The following CIDEA variants were observed in gnomAD, a reference collection of about 807,000 sequenced individuals.
CIDEA encodes lipid transferase CIDEA.
In CIDEA, 10 loss-of-function variants were observed where a neutral mutation model predicts 18.2. The ratio of observed to expected loss-of-function variants is 0.55; its 90% CI spans 0.34 to 0.93. The LOEUF (loss-of-function observed/expected upper bound fraction) is 0.93. Ranked by LOEUF, CIDEA falls within the 40% of genes least tolerant of loss-of-function variation. CIDEA has a pLI of 0.02. For missense variants in CIDEA, 309 were observed against 293.1 expected, an observed-to-expected ratio of 1.05 and a Z score of -0.40; for synonymous variants, 128 against 124.8, an observed-to-expected ratio of 1.03 and a Z score of -0.17.
At chr18:12,272,536 C>T (rs1568106135) in intron 3 of CIDEA, among the ~76,000 whole-genome samples, 1 of 151,828 alleles carries the variant, frequency 6.6e-6, no homozygotes, top group Non-Finnish European at 1.5e-5. Context: ...TTAGTAGAGA[C>T]GGGGTTTCGC....
chr18:12,271,701 T>C lies in CIDEA; in HGVS notation c.331-2392T>C, dbSNP rs149393481. On this transcript the variant is annotated intron_variant, in intron 3 of 4. Transcript: ENST00000320477. ...GTAGATGCCACCGCCGGCCACGCGC[T>C]CCAGGGGGCTCGCGGCCCCCGTTTC... 6.2e-3 allele frequency among the ~76,000 whole-genome samples: 946 copies of C among 152,282 alleles called. 8 individuals are homozygous for C. Among genetic ancestry groups the C allele is most frequent in the African/African-American group, 0.022 (907 of 41,556 alleles).
intron 1 of CIDEA, among the ~76,000 whole-genome samples, chr18:12,257,532 A>G (rs1398338245): frequency 6.6e-6 from 1 of 152,184 alleles, no homozygotes; most frequent in African/African-American, 2.4e-5. Context: ...TGTATTTCAC[A>G]CACTTTTGGA....
At chr18:12,258,000 T>C (rs1912086178) in intron 1 of CIDEA, among the ~76,000 whole-genome samples, 1 of 152,162 alleles carries the variant, frequency 6.6e-6, no homozygotes. Context: ...TTCAACCCCT[T>C]TCTGTGTTAC....
At chr18:12,273,756 G>A (rs1912616600) in intron 3 of CIDEA, among the ~76,000 whole-genome samples, 1 of 152,150 alleles carries the variant, frequency 6.6e-6, no homozygotes, top group Admixed American at 6.5e-5. Context: ...AGGTAACCAT[G>A]GTGGCCTCCA....
intron 3 of CIDEA, among the ~76,000 whole-genome samples, chr18:12,271,258 C>T (rs1322350312): frequency 7.1e-6 from 1 of 141,234 alleles, no homozygotes; most frequent in African/African-American, 2.6e-5. Flanking sequence ...GTTACTGGGG[C>T]GGGGTTGGGG....
chr18:12,270,894 C>CCTTTTTT (rs1555662488), intron 3 of CIDEA, among the ~76,000 whole-genome samples: 1 of 60,000 alleles, frequency 1.7e-5, no homozygotes, highest in African/African-American at 6.8e-5. Context: ...TTTTTCTTTT[C>CCTTTTTT]TTTTTTTTTT....
intron 1 of CIDEA, among the ~76,000 whole-genome samples, chr18:12,258,633 C>T (rs941985746): frequency 2.0e-5 from 3 of 152,180 alleles, no homozygotes; most frequent in East Asian, 3.8e-4. Flanking sequence ...TTGTGGGAGC[C>T]GCGTCTTCTG....
rs1905381783 is a variant in CIDEA at position 12,277,418 on chromosome 18, G to A, written c.*148G>A. On this transcript the variant is annotated 3_prime_UTR_variant, in exon 5 of 5. Transcript: ENST00000320477. ...AGGAGTGGTGCCCAGAAAAGGAAAG[G>A]GCTTGGTGGTACATGAAGTGGGGGC... 2.2e-6 allele frequency: 2 copies of A among 914,180 alleles called. No individual in the cohort carries two copies. The highest frequency in any genetic ancestry group is 3.3e-6 in the Non-Finnish European group (2 of 612,694). The allele number at this position is 914,180 out of a possible 1,614,324, so 56.6% of individuals were successfully genotyped here. A position where few individuals can be genotyped will look rare whatever the true frequency, so the allele number is the denominator to read the frequency against.
intron 1 of CIDEA, chr18:12,254,762 A>C (rs139733533): frequency 2.1e-4 from 290 of 1,395,060 alleles, no homozygotes; most frequent in Non-Finnish European, 2.7e-4. Context: ...CCGCTGCTGC[A>C]GTCGCGGGCG....
intron 1 of CIDEA, 34 bp downstream of exon 1, chr18:12,254,455 C>A: frequency 6.3e-7 from 1 of 1,595,130 alleles, no homozygotes; most frequent in Non-Finnish European, 8.5e-7. Context: ...TTGCCGTGCG[C>A]TTCCAATCGC....
intron 3 of CIDEA, among the ~76,000 whole-genome samples, chr18:12,273,121 T>C (rs759313542): frequency 1.3e-5 from 2 of 152,096 alleles, no homozygotes; most frequent in Non-Finnish European, 1.5e-5. Flanking sequence ...GAACCACAGG[T>C]GGGTTTGTCT....
At chr18:12,267,104 C>T (rs1203959004) in intron 3 of CIDEA, among the ~76,000 whole-genome samples, 1 of 152,126 alleles carries the variant, frequency 6.6e-6, no homozygotes, top group African/African-American at 2.4e-5. Context: ...CCTCTACTAC[C>T]ACCAACAGCT....
At chr18:12,260,838 A>C (rs898769481) in intron 1 of CIDEA, among the ~76,000 whole-genome samples, 1 of 152,126 alleles carries the variant, frequency 6.6e-6, no homozygotes, top group Non-Finnish European at 1.5e-5. Context: ...CTGAAACTAC[A>C]CCCTTTGTTT....
At chr18:12,262,680 C>T (rs1200645924) in intron 1 of CIDEA, 145 bp from the exon 2 acceptor site, 2 of 720,688 alleles carry the variant, frequency 2.8e-6, no homozygotes, top group Non-Finnish European at 4.6e-6. Context: ...TATGTGTACA[C>T]TTGTATATAT....
intron 1 of CIDEA, among the ~76,000 whole-genome samples, chr18:12,259,097 G>T (rs1912118577): frequency 6.6e-6 from 1 of 152,224 alleles, no homozygotes; most frequent in African/African-American, 2.4e-5. Context: ...CAGTCCTGGG[G>T]CCGCGTTGGT....
chr18:12,264,711 G>A (rs1476145912), intron 3 of CIDEA, among the ~76,000 whole-genome samples: 5 of 152,118 alleles, frequency 3.3e-5, no homozygotes, highest in South Asian at 2.1e-4. Context: ...CCGCCACCAC[G>A]CCTGGCTAAC....
chr18:12,268,799 G>A (rs977083607), intron 3 of CIDEA, among the ~76,000 whole-genome samples: 15 of 151,402 alleles, frequency 9.9e-5, no homozygotes, highest in African/African-American at 3.6e-4. Context: ...TTCATTAAAA[G>A]TAATAACCCA....
intron 1 of CIDEA, 107 bp from the exon 2 acceptor site, chr18:12,262,718 T>C: frequency 9.2e-7 from 1 of 1,083,030 alleles, no homozygotes; most frequent in South Asian, 1.5e-5. Flanking sequence ...ACAACTGAAT[T>C]TCTTTCTTTT....
In CIDEA at chr18:12,264,369, C is replaced by A. The variant is rs761949756; in HGVS notation, c.246C>A (p.Thr82=). 1.2e-6 allele frequency: 2 copies of A among 1,613,966 alleles called. No individual in the cohort carries two copies. The highest frequency in any genetic ancestry group is 1.7e-6 in the Non-Finnish European group (2 of 1,179,894). ...LVTLVLEEDG[T]VVDTEEFFQT... ...CTCTGGTGCTGGAGGAAGATGGCAC[C>A]GTGGTGGACACAGAAGAGTTCTTTC... The change falls in exon 3 of 5, where the codon ACC becomes ACA. Residue 82 remains threonine, a synonymous_variant. Transcript: ENST00000320477.
Sources: gnomAD v4.1 joint callset for allele counts (sites outside exome capture counted in the v4.1 genomes callset) on GRCh38, gnomAD v4.1.1 for gene constraint, MANE v1.5 for transcripts, NCBI Gene and HGNC (gene_info 2026-07-23, HGNC 2026-07-21) for gene names.